Variants in CSMD1 observed in about 807,000 individuals in gnomAD.
CSMD1 encodes the protein CUB and Sushi multiple domains 1, also known as CUB and sushi domain-containing protein 1.
Under a neutral mutation model 417.5 loss-of-function variants are expected in CSMD1, and 213 were observed. That is an observed-to-expected ratio of 0.51 (90% confidence interval 0.46 to 0.57). The LOEUF is 0.57. CSMD1 is among the 20% of genes least tolerant of loss of function. The pLI is 0.00. For missense variants in CSMD1, 6,923 were observed against 4,529.7 expected (o/e 1.53, Z -15.17); for synonymous variants, 2,862 against 1,736.8 (o/e 1.65, Z -16.11).
intron 22 of CSMD1, 100 bp from the exon 23 acceptor site, chr8:3,343,550 A>G (rs765764938): frequency 1.9e-5 from 19 of 1,023,844 alleles, no homozygotes; most frequent in Non-Finnish European, 2.7e-5. Flanking sequence ...GCAGTTTTAA[A>G]CAATACTTAA....
At chr8:3,966,714 C>T (rs112741080) in intron 5 of CSMD1, among the ~76,000 whole-genome samples, 128 of 147,550 alleles carry the variant, frequency 8.7e-4, no homozygotes, top group Non-Finnish European at 5.6e-4. Context: ...TGGCAGGCTG[C>T]AGGCATTCAC....
Position 4,854,645 on chromosome 8 carries a change from G to C in CSMD1, c.85+139687C>G, listed in dbSNP as rs573703608. On this transcript the variant is annotated intron_variant, in intron 1 of 69. Coordinates refer to ENST00000635120, the MANE Select transcript of CSMD1 (RefSeq NM_033225.6). Reference sequence around the variant, plus strand: ...AGTTCCCTTTCTGAGTCAAAGAAAGGGGTGACGGACAGCACCTGGAAAATC... The same window carrying C: ...AGTTCCCTTTCTGAGTCAAAGAAAGCGGTGACGGACAGCACCTGGAAAATC... 3.4e-4 allele frequency among the ~76,000 whole-genome samples: 52 copies of C among 152,258 alleles called. No individual in the cohort carries two copies. In the South Asian group the frequency reaches 0.01, roughly 30 times the overall value.
intron 3 of CSMD1, among the ~76,000 whole-genome samples, chr8:4,394,734 T>G (rs1468617467): frequency 6.6e-6 from 1 of 152,160 alleles, no homozygotes; most frequent in Non-Finnish European, 1.5e-5. Context: ...AGAGTGACAT[T>G]TTCTCTTTTC....
At chr8:3,895,038 A>G (rs1306013118) in intron 5 of CSMD1, among the ~76,000 whole-genome samples, 1 of 152,168 alleles carries the variant, frequency 6.6e-6, no homozygotes, top group African/African-American at 2.4e-5. Context: ...GGTATTTATT[A>G]TTTGAATGGT....
chr8:3,256,400 C>A (rs1800659743), intron 26 of CSMD1, among the ~76,000 whole-genome samples: 1 of 152,014 alleles, frequency 6.6e-6, no homozygotes, highest in African/African-American at 2.4e-5. Flanking sequence ...AGACACTGTG[C>A]CCCAGCAGTA....
At chr8:3,579,184 T>C (rs1249460808) in intron 9 of CSMD1, among the ~76,000 whole-genome samples, 1 of 152,076 alleles carries the variant, frequency 6.6e-6, no homozygotes, top group African/African-American at 2.4e-5. Context: ...GAATGATAAA[T>C]TGAAAATATA....
At chr8:3,261,599 G>C (rs879568568) in intron 26 of CSMD1, among the ~76,000 whole-genome samples, 3 of 152,126 alleles carry the variant, frequency 2.0e-5, no homozygotes, top group Non-Finnish European at 4.4e-5. Context: ...AATTACCCAG[G>C]TGTCCTTCGG....
At chr8:3,686,233 A>T (rs1213672658) in intron 7 of CSMD1, among the ~76,000 whole-genome samples, 1 of 152,142 alleles carries the variant, frequency 6.6e-6, no homozygotes, top group Non-Finnish European at 1.5e-5. Flanking sequence ...TGAGTTACTG[A>T]CTTCGTGGAT....
chr8:4,885,893 C>T (rs945439194), intron 1 of CSMD1, among the ~76,000 whole-genome samples: 6 of 152,062 alleles, frequency 3.9e-5, no homozygotes, highest in African/African-American at 1.2e-4. Context: ...CTGCTTTCTC[C>T]ATGCTGACAA....
intron 5 of CSMD1, among the ~76,000 whole-genome samples, chr8:3,781,910 A>G (rs1799208157): frequency 1.3e-5 from 2 of 152,122 alleles, no homozygotes; most frequent in Non-Finnish European, 2.9e-5. Flanking sequence ...ATTTTGGTAG[A>G]CCCATTTAAT....
chr8:4,935,413 A>G (rs1049836364), intron 1 of CSMD1, among the ~76,000 whole-genome samples: 3 of 152,318 alleles, frequency 2.0e-5, no homozygotes, highest in Non-Finnish European at 1.5e-5. Flanking sequence ...CTCTGTGTTG[A>G]AGTTACCGGT....
At chr8:3,784,518 C>T (rs1332720737) in intron 5 of CSMD1, among the ~76,000 whole-genome samples, 2 of 152,062 alleles carry the variant, frequency 1.3e-5, no homozygotes, top group Non-Finnish European at 2.9e-5. Context: ...CTAGAATCCT[C>T]AATTTCTAAC....
chr8:4,652,680 C>T (rs1803975388), intron 1 of CSMD1, among the ~76,000 whole-genome samples: 1 of 152,078 alleles, frequency 6.6e-6, no homozygotes, highest in Non-Finnish European at 1.5e-5. Context: ...AGATTCGCCA[C>T]AGCTTCAGCC....
intron 12 of CSMD1, among the ~76,000 whole-genome samples, chr8:3,418,452 A>C (rs1459430809): frequency 6.6e-6 from 1 of 152,196 alleles, no homozygotes; most frequent in East Asian, 1.9e-4. Context: ...CTTACTGGGA[A>C]AGCAACAATT....
intron 54 of CSMD1, among the ~76,000 whole-genome samples, chr8:2,983,079 T>TTTAACTG (rs1805563165): frequency 1.3e-5 from 2 of 152,278 alleles, no homozygotes; most frequent in African/African-American, 4.8e-5. Flanking sequence ...ACTTCAACTG[T>TTTAACTG]TTTTTAATTA....
At chr8:3,839,836 G>T (rs993987086) in intron 5 of CSMD1, among the ~76,000 whole-genome samples, 1 of 151,634 alleles carries the variant, frequency 6.6e-6, no homozygotes, top group South Asian at 2.1e-4. Flanking sequence ...CTAAATGGAG[G>T]GAACATTATG....
At chr8:3,121,557 C>T (rs1357621175) in intron 41 of CSMD1, among the ~76,000 whole-genome samples, 4 of 152,168 alleles carry the variant, frequency 2.6e-5, no homozygotes, top group Non-Finnish European at 2.9e-5. Context: ...ACCCAGAAAC[C>T]CACTGGATTA....
chr8:4,802,950 C>G (rs1021364399), intron 1 of CSMD1, among the ~76,000 whole-genome samples: 1 of 152,126 alleles, frequency 6.6e-6, no homozygotes, highest in Non-Finnish European at 1.5e-5. Flanking sequence ...TTAGTGCTGG[C>G]TTCTACAAGA....
chr8:4,339,960 G>T (rs369675217), intron 3 of CSMD1, among the ~76,000 whole-genome samples: 2 of 152,054 alleles, frequency 1.3e-5, no homozygotes, highest in Non-Finnish European at 2.9e-5. Context: ...ATAAGTTGGA[G>T]GTTCAGTGAG....
Sources: allele counts gnomAD v4.1 joint callset (sites outside exome capture counted in the v4.1 genomes callset), GRCh38; gene constraint gnomAD v4.1.1; transcripts MANE v1.5; gene names NCBI Gene and HGNC (gene_info 2026-07-23, HGNC 2026-07-21).